ATG7: variants seen among roughly 807,000 people sequenced by gnomAD.
ATG7 encodes autophagy related 7.
Under a neutral mutation model 82.4 loss-of-function variants are expected in ATG7, and 70 were observed. The ratio of observed to expected loss-of-function variants is 0.85; its 90% confidence interval spans 0.70 to 1.04. The LOEUF is 1.04. ATG7 is among the 50% of genes least tolerant of loss of function. The pLI is 0.00. For missense variants in ATG7, 792 were observed against 864.3 expected (o/e 0.92, Z 1.05); for synonymous variants, 287 against 313.0 (o/e 0.92, Z 0.88).
At chr3:11,323,945 A>G (rs1311134706) in intron 9 of ATG7, among the ~76,000 whole-genome samples, 1 of 152,232 alleles carries the variant, frequency 6.6e-6, no homozygotes, top group African/African-American at 2.4e-5. Context: ...ATCATTGTGG[A>G]AAATGTTCTT....
chr3:11,529,911 T>C (rs957274765), intron 20 of ATG7, among the ~76,000 whole-genome samples: 4 of 152,138 alleles, frequency 2.6e-5, no homozygotes, highest in Admixed American at 1.3e-4. Context: ...TTACTCACCC[T>C]AGCATGACCC....
At chr3:11,437,075 G>C (rs1324672149) in intron 20 of ATG7, among the ~76,000 whole-genome samples, 3 of 152,190 alleles carry the variant, frequency 2.0e-5, no homozygotes, top group African/African-American at 7.2e-5. Context: ...TATCAATACA[G>C]ATGTTTAAAA....
At position 11,307,015 on chromosome 3, in the gene ATG7, C is replaced by A. The variant is rs750222649; in HGVS notation, c.288C>A (p.Phe96Leu). 1 of 1,614,046 alleles carries A rather than the reference C, an allele frequency of 6.2e-7. No homozygotes were observed. The highest frequency in any genetic ancestry group is 2.2e-5 in the East Asian group (1 of 44,860). Reference protein sequence around the residue: ...TLYNTNTLESFKTADKKLLLE... With the variant: ...TLYNTNTLESLKTADKKLLLE... ...ATAACACCAACACACTCGAGTCTTTCAAGACTGCAGATAAGAAGCTCCTTT... is the reference window on the plus strand; with the variant it reads ...ATAACACCAACACACTCGAGTCTTTAAAGACTGCAGATAAGAAGCTCCTTT... The change falls in exon 6 of 21, where the codon TTC becomes TTA. Residue 96 changes from phenylalanine (F) to leucine (L), a missense_variant. Phe to Leu is a conservative substitution (Grantham distance 22, BLOSUM62 0). Transcript: ENST00000693202.
chr3:11,373,847 T>TG (rs1234762114), intron 18 of ATG7, among the ~76,000 whole-genome samples: 1 of 152,214 alleles, frequency 6.6e-6, no homozygotes. Flanking sequence ...GGAAGTGCAA[T>TG]GCAGAGCATA....
intron 3 of ATG7, chr3:11,290,594 C>A (rs866530042): frequency 1.5e-5 from 5 of 330,778 alleles, no homozygotes; most frequent in Middle Eastern, 1.1e-3. Flanking sequence ...AACCAGCCAC[C>A]CCCAGGTAGG....
intron 20 of ATG7, among the ~76,000 whole-genome samples, chr3:11,448,518 G>A (rs140830123): frequency 7.9e-5 from 12 of 152,290 alleles, no homozygotes; most frequent in East Asian, 3.9e-4. Context: ...CTTACTTGCC[G>A]TGCTGAAACT....
At chr3:11,574,785 A>ATATGTGTGTGTG in the ATG7 span, among the ~76,000 whole-genome samples, 25 of 121,776 alleles carry the variant, frequency 2.1e-4, no homozygotes, top group East Asian at 3.2e-3. Context: ...TCAACTATAT[A>ATATGTGTGTGTG]TGTGTGTGTG....
At position 11,422,740 on chromosome 3, in the gene ATG7, C is replaced by CTTTTTTT. The variant is rs557755646; in HGVS notation, c.1957-4041_1957-4035dup. On this transcript the variant is annotated intron_variant, in intron 19 of 20. Transcript: ENST00000693202. Reference sequence around the variant, plus strand: ...CCTCACTATGCTTAATCATTTCTAGCTTTTTTTTTTTTTTTTTTTTTTTTT... The same window carrying CTTTTTTT: ...CCTCACTATGCTTAATCATTTCTAGCTTTTTTTTTTTTTTTTTTTTTTTTTTTTTTTT... Among the ~76,000 whole-genome samples the CTTTTTTT allele has an allele frequency of 8.2e-3, 406 of 49,552 alleles. 114 individuals carry two copies. Among genetic ancestry groups the CTTTTTTT allele is most frequent in the African/African-American group, 0.035 (342 of 9,872 alleles). The allele number at this position is 49,552 out of a possible 152,430, so 32.5% of individuals were successfully genotyped here.
chr3:11,556,271 A>C lies in ATG7; in HGVS notation c.*1428A>C, dbSNP rs1208205778. 1 of 152,630 alleles carries C rather than the reference A, an allele frequency of 6.6e-6. No homozygotes were observed. Among genetic ancestry groups the C allele is most frequent in the Non-Finnish European group, 1.5e-5 (1 of 68,046 alleles). The allele number at this position is 152,630 out of a possible 1,614,324, so 9.5% of individuals were successfully genotyped here. On this transcript the variant is annotated 3_prime_UTR_variant, in exon 21 of 21. Coordinates refer to ENST00000693202, the MANE Select transcript of ATG7 (RefSeq NM_001349232.2). Reference sequence around the variant, plus strand: ...AGAACTTCACGGAGCCCCTTCTTAGAGCAGGGAGGGGGCTTTCTCAGTGAA... The same window carrying C: ...AGAACTTCACGGAGCCCCTTCTTAGCGCAGGGAGGGGGCTTTCTCAGTGAA...
At chr3:11,531,867 G>GAA (rs10706428) in intron 20 of ATG7, among the ~76,000 whole-genome samples, 2 of 95,142 alleles carry the variant, frequency 2.1e-5, no homozygotes, top group African/African-American at 8.2e-5. Context: ...CCTGTCTCAG[G>GAA]AAAAAAAAAA....
chr3:11,493,655 A>T (rs1476144339), intron 20 of ATG7, among the ~76,000 whole-genome samples: 3 of 152,202 alleles, frequency 2.0e-5, no homozygotes, highest in Non-Finnish European at 4.4e-5. Flanking sequence ...GACAGATAAG[A>T]GTCTAAGCCT....
At chr3:11,486,820 GTT>G (rs34251925) in intron 20 of ATG7, among the ~76,000 whole-genome samples, 6,389 of 131,556 alleles carry the variant, frequency 0.049, 198 homozygotes, top group African/African-American at 0.1. Context: ...CTTTGGTTCT[GTT>G]TTTTTTTTTT....
At chr3:11,306,433 G>A (rs963985040) in intron 5 of ATG7, among the ~76,000 whole-genome samples, 1 of 152,244 alleles carries the variant, frequency 6.6e-6, no homozygotes, top group Non-Finnish European at 1.5e-5. Flanking sequence ...TTCCGGAAGA[G>A]GAGAGATTGA....
rs115384777 is a variant in ATG7 at position 11,317,528 on chromosome 3, C to T, written c.678+2035C>T. 2.7e-3 allele frequency among the ~76,000 whole-genome samples: 401 copies of T among 151,038 alleles called. 1 individual carries two copies. Among genetic ancestry groups the T allele is most frequent in the African/African-American group, 9.2e-3 (378 of 41,234 alleles). ...TAGTATCTGCATTTTCTGTTTGAGA[C>T]TCAAAGTCACACGACCACATTGTCT... On this transcript the variant is annotated intron_variant, in intron 9 of 20. Transcript: ENST00000693202.
At chr3:11,548,094 T>G (rs2071440693) in intron 20 of ATG7, among the ~76,000 whole-genome samples, 1 of 152,240 alleles carries the variant, frequency 6.6e-6, no homozygotes. Context: ...CCTTCCCACC[T>G]TGGCCTCCCA....
chr3:11,358,718 A>AACCCCCCC, intron 15 of ATG7, 106 bp downstream of exon 15: 1 of 1,246,326 alleles, frequency 8.0e-7, no homozygotes, highest in Non-Finnish European at 1.1e-6. Flanking sequence ...GGTTTGTGTG[A>AACCCCCCC]CCTGGTAGCA....
intron 9 of ATG7, among the ~76,000 whole-genome samples, chr3:11,323,616 T>A (rs1950487662): frequency 6.6e-6 from 1 of 152,240 alleles, no homozygotes; most frequent in Non-Finnish European, 1.5e-5. Context: ...TCTACTTCAT[T>A]CAGAGCAGTT....
rs534647687 is a variant in ATG7 at position 11,317,878 on chromosome 3, A to C, written c.678+2385A>C. Among the ~76,000 whole-genome samples the C allele has an allele frequency of 1.4e-4, 22 of 152,344 alleles. No homozygotes were observed. In the South Asian group the frequency reaches 4.3e-3, roughly 30 times the overall value. On this transcript the variant is annotated intron_variant, in intron 9 of 20. Transcript: ENST00000693202. ...AGTGCTGGGATTACAGGCGTGAGCC[A>C]CTGTGCCCGGCCACAAGCCTATGGC... is the stretch of plus-strand genomic sequence containing the variant.
intron 3 of ATG7, among the ~76,000 whole-genome samples, chr3:11,287,527 C>T (rs915630160): frequency 4.6e-4 from 70 of 152,124 alleles, no homozygotes; most frequent in African/African-American, 1.5e-3. Context: ...AAGGCAGCAG[C>T]GGCGGTCTGG....
Sources: allele counts gnomAD v4.1 joint callset (sites outside exome capture counted in the v4.1 genomes callset), GRCh38; gene constraint gnomAD v4.1.1; transcripts MANE v1.5; gene names NCBI Gene and HGNC (gene_info 2026-07-23, HGNC 2026-07-21).